Variants in RBMS3 observed in about 807,000 individuals in gnomAD.
The protein encoded by RBMS3 is RNA-binding motif, single-stranded-interacting protein 3.
In RBMS3, 27 loss-of-function variants were observed where a neutral mutation model predicts 66.8. The observed-to-expected ratio is 0.40, with a 90% CI of 0.30 to 0.56. The LOEUF (loss-of-function observed/expected upper bound fraction) is 0.56. RBMS3 is among the 20% of genes least tolerant of loss of function. The probability of loss-of-function intolerance (pLI) is 0.40; values close to 1 mark genes in which losing one functional copy is unlikely to be tolerated. For synonymous variants in RBMS3, 188 were observed against 183.0 expected, an observed-to-expected ratio of 1.03 and a Z score of -0.22; for missense variants, 513 against 549.5, an observed-to-expected ratio of 0.93 and a Z score of 0.66.
At chr3:29,433,960 G>T (rs768143107) in intron 1 of RBMS3, among the ~76,000 whole-genome samples, 1 of 152,126 alleles carries the variant, frequency 6.6e-6, no homozygotes, top group Non-Finnish European at 1.5e-5. Context: ...TGGGGAATGG[G>T]CATTACTAGA....
intron 4 of RBMS3, among the ~76,000 whole-genome samples, chr3:29,714,594 A>G (rs2053312006): frequency 6.6e-6 from 1 of 152,238 alleles, no homozygotes; most frequent in Non-Finnish European, 1.5e-5. Context: ...AGGAAGACAG[A>G]TATACATGAG....
chr3:29,632,727 C>T (rs760943663), intron 4 of RBMS3, among the ~76,000 whole-genome samples: 8 of 151,808 alleles, frequency 5.3e-5, no homozygotes, highest in East Asian at 1.9e-4. Flanking sequence ...CTTCTTTGAA[C>T]GAGATTTATG....
intron 3 of RBMS3, among the ~76,000 whole-genome samples, chr3:29,552,284 G>A (rs186517752): frequency 3.7e-4 from 56 of 152,272 alleles, no homozygotes; most frequent in Non-Finnish European, 4.0e-4. Flanking sequence ...TTGGGAAGTT[G>A]TAGTTATTAT....
At chr3:29,542,549 C>A (rs1001510979) in intron 3 of RBMS3, among the ~76,000 whole-genome samples, 1 of 152,068 alleles carries the variant, frequency 6.6e-6, no homozygotes, top group Admixed American at 6.5e-5. Context: ...TTTGTAGGGA[C>A]GGGGTTTCAC....
intron 4 of RBMS3, among the ~76,000 whole-genome samples, chr3:29,643,374 C>T (rs1284809656): frequency 6.6e-6 from 1 of 152,098 alleles, no homozygotes; most frequent in African/African-American, 2.4e-5. Flanking sequence ...TCATGAGCCT[C>T]ATAGTGGTAT....
intron 4 of RBMS3, among the ~76,000 whole-genome samples, chr3:29,634,897 A>C (rs1372323152): frequency 6.6e-6 from 1 of 151,768 alleles, no homozygotes; most frequent in Non-Finnish European, 1.5e-5. Flanking sequence ...TCTGAAGTAC[A>C]CTAGTTTGAG....
chr3:29,978,990 G>A (rs1697784676), intron 12 of RBMS3, among the ~76,000 whole-genome samples: 1 of 152,014 alleles, frequency 6.6e-6, no homozygotes, highest in Admixed American at 6.6e-5. Context: ...AGCATATCTA[G>A]GCATGGTGGT....
rs564416466 is a variant in RBMS3 at position 29,502,819 on chromosome 3, T to G, written c.307+14320T>G. Among the ~76,000 whole-genome samples the G allele has an allele frequency of 2.6e-5, 4 of 152,272 alleles. No individual in the cohort carries two copies. In the South Asian group the frequency reaches 8.3e-4, roughly 32 times the overall value. ...GAAAATAGCCTCAGAATTATTGTGG[T>G]AGAAAGACAAGGTGCAGCTGATACT... On this transcript the variant is annotated intron_variant, in intron 3 of 14. Coordinates refer to ENST00000383767, the MANE Select transcript of RBMS3 (RefSeq NM_001003793.3).
At chr3:29,987,777 C>G (rs886105136) in intron 12 of RBMS3, among the ~76,000 whole-genome samples, 1 of 151,982 alleles carries the variant, frequency 6.6e-6, no homozygotes, top group Admixed American at 6.6e-5. Flanking sequence ...GTGATAGGTG[C>G]TAGCAATAAA....
At chr3:29,885,667 A>C (rs2059852952) in intron 8 of RBMS3, among the ~76,000 whole-genome samples, 1 of 151,942 alleles carries the variant, frequency 6.6e-6, no homozygotes, top group African/African-American at 2.4e-5. Context: ...ATAGTTCAAA[A>C]AATACCTGTA....
At chr3:29,928,180 T>TTATATATATATATA (rs1199975605) in intron 10 of RBMS3, among the ~76,000 whole-genome samples, 8 of 102,572 alleles carry the variant, frequency 7.8e-5, no homozygotes, top group East Asian at 3.3e-4. Context: ...TCTTCAAATT[T>TTATATATATATATA]TATATATATA....
chr3:29,457,899 A>G (rs9942107), intron 2 of RBMS3, among the ~76,000 whole-genome samples: 40,448 of 149,392 alleles, frequency 0.27, 5,490 homozygotes, highest in Admixed American at 0.32. Flanking sequence ...TTTTGCCTAC[A>G]GGCTTTTATA....
intron 4 of RBMS3, among the ~76,000 whole-genome samples, chr3:29,654,122 T>C (rs2050238285): frequency 6.6e-6 from 1 of 152,186 alleles, no homozygotes; most frequent in Non-Finnish European, 1.5e-5. Flanking sequence ...TGCCCTTTCT[T>C]TTTTAACAGC....
chr3:29,669,716 A>G (rs2050915088), intron 4 of RBMS3, among the ~76,000 whole-genome samples: 1 of 152,064 alleles, frequency 6.6e-6, no homozygotes. Flanking sequence ...TCTCTTCCTC[A>G]TTCCACTTTC....
chr3:29,691,427 A>G (rs2052002291), intron 4 of RBMS3, among the ~76,000 whole-genome samples: 1 of 152,130 alleles, frequency 6.6e-6, no homozygotes, highest in East Asian at 1.9e-4. Context: ...CTGCTCTAGT[A>G]TTAAGAAATA....
chr3:29,342,737 C>T (rs546142363), intron 1 of RBMS3, among the ~76,000 whole-genome samples: 2 of 152,130 alleles, frequency 1.3e-5, no homozygotes, highest in South Asian at 4.2e-4. Context: ...ATGTTAAAAC[C>T]TATACGTAGT....
chr3:29,510,408 G>A (rs2044349908), intron 3 of RBMS3, among the ~76,000 whole-genome samples: 1 of 152,066 alleles, frequency 6.6e-6, no homozygotes, highest in Non-Finnish European at 1.5e-5. Context: ...TAGATTATTA[G>A]GCAAACTTAA....
chr3:29,481,179 A>G (rs1487314975), intron 2 of RBMS3, among the ~76,000 whole-genome samples: 1 of 152,214 alleles, frequency 6.6e-6, no homozygotes, highest in East Asian at 1.9e-4. Context: ...TAGAGAACTT[A>G]GAAAAAGGGC....
chr3:29,830,953 G>A (rs2058355523), intron 6 of RBMS3, among the ~76,000 whole-genome samples: 1 of 152,082 alleles, frequency 6.6e-6, no homozygotes. Flanking sequence ...CCTTAAAGAA[G>A]GGATATACAG....
Sources: allele counts gnomAD v4.1 joint callset (sites outside exome capture counted in the v4.1 genomes callset), GRCh38; gene constraint gnomAD v4.1.1; transcripts MANE v1.5; gene names NCBI Gene and HGNC (gene_info 2026-07-23, HGNC 2026-07-21).